Variants in TENM1 observed in about 807,000 individuals in gnomAD.
TENM1 encodes the protein teneurin transmembrane protein 1, also known as teneurin-1.
In TENM1, 35 loss-of-function variants were observed where a neutral mutation model predicts 174.8. That is an observed-to-expected ratio of 0.20 (90% confidence interval 0.15 to 0.27). TENM1 has a LOEUF of 0.27. TENM1 is among the 10% of genes least tolerant of loss of function. The pLI is 1.00. For synonymous variants in TENM1, 781 were observed against 798.7 expected (o/e 0.98, Z 0.37); for missense variants, 1,633 against 2,130.1 (o/e 0.77, Z 4.59).
At chrX:125,109,072 G>A in the TENM1 span, among the ~76,000 whole-genome samples, 8 of 111,073 alleles carry the variant, frequency 7.2e-5, no homozygotes, top group Non-Finnish European at 1.3e-4. Context: ...TGTGCTTGTT[G>A]TTTCTGGAAT....
intron 3 of TENM1, among the ~76,000 whole-genome samples, chrX:124,783,838 C>A (rs1264188815): frequency 8.9e-6 from 1 of 112,131 alleles, no homozygotes; most frequent in African/African-American, 3.2e-5. Flanking sequence ...AGAGTTTAGG[C>A]AACCACAACC....
intron 3 of TENM1, among the ~76,000 whole-genome samples, chrX:124,804,944 A>G (rs774100810): frequency 3.6e-5 from 4 of 112,134 alleles, no homozygotes; most frequent in African/African-American, 1.3e-4. Flanking sequence ...AAAAAATTGC[A>G]AAATGGCATT....
chrX:124,471,448 CT>C (rs1270220739), intron 22 of TENM1, among the ~76,000 whole-genome samples: 8,021 of 33,066 alleles, frequency 0.24, 2,051 homozygotes, highest in Middle Eastern at 0.43. Flanking sequence ...ATATATAGTA[CT>C]ATATATAATA....
At chrX:124,411,165 A>T (rs1394971696) in intron 25 of TENM1, among the ~76,000 whole-genome samples, 1 of 111,693 alleles carries the variant, frequency 9.0e-6, no homozygotes, top group East Asian at 2.8e-4. Context: ...TTCAAAGCTT[A>T]TTTCCAAGAG....
chrX:125,154,606 G>A, the TENM1 span, among the ~76,000 whole-genome samples: 1 of 111,663 alleles, frequency 9.0e-6, no homozygotes, highest in Non-Finnish European at 1.9e-5. Context: ...TAGTGTGTCC[G>A]GAATTGGTGG....
chrX:124,604,973 C>G (rs1312869304), intron 11 of TENM1, among the ~76,000 whole-genome samples: 1 of 107,296 alleles, frequency 9.3e-6, no homozygotes, highest in Non-Finnish European at 1.9e-5. Flanking sequence ...TGCCCTATTT[C>G]TGAAGAACAT....
At chrX:124,991,870 C>T in the TENM1 span, among the ~76,000 whole-genome samples, 2 of 111,211 alleles carry the variant, frequency 1.8e-5, no homozygotes, top group Non-Finnish European at 3.8e-5. Context: ...AGCCTATAAC[C>T]TCTATTAGTA....
At chrX:124,926,142 A>G (rs2058088975) in intron 1 of TENM1, among the ~76,000 whole-genome samples, 1 of 112,548 alleles carries the variant, frequency 8.9e-6, no homozygotes, top group South Asian at 3.7e-4. Context: ...TTGTACAGAA[A>G]AGAATATGGA....
chrX:124,612,618 T>A (rs776409911), intron 11 of TENM1, among the ~76,000 whole-genome samples: 32 of 111,523 alleles, frequency 2.9e-4, no homozygotes, highest in Non-Finnish European at 5.5e-4. Context: ...GTGCTATGCG[T>A]TTAAAATGAC....
In TENM1 at chrX:124,665,987, G is replaced by A. The variant is rs781138919; in HGVS notation, c.1168+5696C>T. Among the ~76,000 whole-genome samples the A allele has an allele frequency of 8.0e-5, 9 of 112,100 alleles. No individual in the cohort carries two copies. In the South Asian group the frequency reaches 3.4e-3, roughly 42 times the overall value. On this transcript the variant is annotated intron_variant, in intron 6 of 31. Coordinates refer to ENST00000422452, the Ensembl canonical transcript of TENM1. The stretch of plus-strand genomic sequence containing the variant: ...CTTATTTTTCAGATGAGAAACTGGA[G>A]CCTAGAGAGGTGAGGCAGTAGTCAC...
At chrX:124,988,711 C>T in the TENM1 span, among the ~76,000 whole-genome samples, 2 of 111,339 alleles carry the variant, frequency 1.8e-5, no homozygotes, top group African/African-American at 6.5e-5. Flanking sequence ...TAACCAAATA[C>T]GGTTTAGCCC....
the TENM1 span, among the ~76,000 whole-genome samples, chrX:125,023,188 G>C: frequency 9.0e-6 from 1 of 110,939 alleles, no homozygotes; most frequent in Non-Finnish European, 1.9e-5. Flanking sequence ...TGGATTATGG[G>C]GGCGGTTTCT....
intron 3 of TENM1, among the ~76,000 whole-genome samples, chrX:124,768,652 G>A (rs2054584233): frequency 8.9e-6 from 1 of 112,418 alleles, no homozygotes; most frequent in Non-Finnish European, 1.9e-5. Context: ...GATAGAGGAA[G>A]AAGTTGGATT....
chrX:124,740,860 C>A (rs6649285), intron 3 of TENM1, among the ~76,000 whole-genome samples: 1 of 111,197 alleles, frequency 9.0e-6, no homozygotes, highest in African/African-American at 3.3e-5. Flanking sequence ...TAGGGGTTTG[C>A]GAGTCACATA....
intron 29 of TENM1, 126 bp downstream of exon 32, chrX:124,385,551 A>G (rs2060208520): frequency 1.6e-6 from 1 of 623,591 alleles, no homozygotes; most frequent in Non-Finnish European, 2.4e-6. Flanking sequence ...AGATAATTTG[A>G]TAAGTAAAGT....
intron 24 of TENM1, 72 bp from the exon 28 acceptor site, chrX:124,420,893 C>A: frequency 1.0e-6 from 1 of 960,249 alleles, no homozygotes; most frequent in South Asian, 2.3e-5. Flanking sequence ...AGACATAAAG[C>A]TCTGTGCATC....
chrX:125,106,555 G>A, the TENM1 span, among the ~76,000 whole-genome samples: 1 of 110,001 alleles, frequency 9.1e-6, no homozygotes, highest in Non-Finnish European at 1.9e-5. Context: ...GACTACGGGC[G>A]CCCGCCACCA....
the TENM1 span, among the ~76,000 whole-genome samples, chrX:125,049,526 T>C: frequency 4.0e-3 from 447 of 112,249 alleles, 1 homozygote; most frequent in Non-Finnish European, 6.7e-3. Flanking sequence ...TGTGTGGACA[T>C]AGATTTTCAA....
the TENM1 span, among the ~76,000 whole-genome samples, chrX:125,027,243 A>G: frequency 8.9e-6 from 1 of 111,982 alleles, no homozygotes; most frequent in Non-Finnish European, 1.9e-5. Flanking sequence ...ACTAAAACCA[A>G]TAACAAACTT....
Sources: gnomAD v4.1 joint callset for allele counts (sites outside exome capture counted in the v4.1 genomes callset) on GRCh38, gnomAD v4.1.1 for gene constraint, MANE v1.5 for transcripts, NCBI Gene and HGNC (gene_info 2026-07-23, HGNC 2026-07-21) for gene names.